Variants in CENPP observed in about 807,000 individuals in gnomAD.
The protein encoded by CENPP is centromere protein P.
Under a neutral mutation model 35.6 loss-of-function variants are expected in CENPP, and 24 were observed. The ratio of observed to expected loss-of-function variants is 0.67; its 90% CI spans 0.49 to 0.95. The LOEUF (loss-of-function observed/expected upper bound fraction) is 0.95. Ranked by LOEUF, CENPP falls within the 40% of genes least tolerant of loss-of-function variation. The pLI, the probability that CENPP is intolerant of heterozygous loss-of-function variation, is 0.00. For synonymous variants in CENPP, 120 were observed against 125.5 expected, an observed-to-expected ratio of 0.96 and a Z score of 0.29; for missense variants, 332 against 345.3, an observed-to-expected ratio of 0.96 and a Z score of 0.31.
At chr9:92,585,884 T>A (rs1850528232) in intron 5 of CENPP, among the ~76,000 whole-genome samples, 1 of 152,178 alleles carries the variant, frequency 6.6e-6, no homozygotes, top group South Asian at 2.1e-4. Flanking sequence ...TGTAGCTTGC[T>A]TGGTACAAAG....
chr9:92,365,315 G>T (rs563689627), intron 4 of CENPP, among the ~76,000 whole-genome samples: 2 of 151,716 alleles, frequency 1.3e-5, no homozygotes, highest in South Asian at 4.2e-4. Context: ...GGAGGAGGTT[G>T]CCTGGCCTAA....
chr9:92,451,592 G>T (rs1844710992), intron 5 of CENPP, among the ~76,000 whole-genome samples: 2 of 151,986 alleles, frequency 1.3e-5, no homozygotes, highest in Admixed American at 1.3e-4. Flanking sequence ...TCTTTTTTTG[G>T]TTCCATATAA....
intron 5 of CENPP, among the ~76,000 whole-genome samples, chr9:92,559,426 G>T (rs1379485023): frequency 6.6e-6 from 1 of 152,162 alleles, no homozygotes; most frequent in Non-Finnish European, 1.5e-5. Flanking sequence ...GGAGAGACGG[G>T]TCTCCCTTTC....
rs752327045 is a variant in CENPP at position 92,390,068 on chromosome 9, A to C, written c.564+10209A>C. 9.6e-6 allele frequency: 14 copies of C among 1,455,010 alleles called. No homozygotes were observed. In the Admixed American group the frequency reaches 2.3e-4, roughly 24 times the overall value. The allele number at this position is 1,455,010 out of a possible 1,614,324, so 90.1% of individuals were successfully genotyped here. ...TCTTCTTAAGTTAGCTAGAGGGAAA[A>C]AAATATAAAAAACAACTACGTAAGT... On this transcript the variant is annotated intron_variant, in intron 5 of 7. Coordinates refer to ENST00000375587, the MANE Select transcript of CENPP (RefSeq NM_001012267.3).
chr9:92,535,711 C>T (rs967153244), intron 5 of CENPP, among the ~76,000 whole-genome samples: 13 of 151,830 alleles, frequency 8.6e-5, no homozygotes, highest in Non-Finnish European at 1.5e-4. Flanking sequence ...CATAATTCCA[C>T]CTAAACATAT....
At position 92,416,595 on chromosome 9, in the gene CENPP, A is replaced by G. The variant is rs189197536; in HGVS notation, c.564+36736A>G. 5.9e-5 allele frequency: 81 copies of G among 1,373,782 alleles called. No individual in the cohort carries two copies. In the African/African-American group the frequency reaches 1.1e-3, roughly 18 times the overall value. 85.1% of individuals were successfully genotyped at this position (1,373,782 alleles called of 1,614,324 possible). A position where few individuals can be genotyped will look rare whatever the true frequency, so the allele number is the denominator to read the frequency against. On this transcript the variant is annotated intron_variant, in intron 5 of 7. Transcript: ENST00000375587. ...TCAGGATTCCATTCTTTCTCTCTTC[A>G]AAACACAATAAAAGTCTACATACTT... is the stretch of plus-strand genomic sequence containing the variant.
intron 5 of CENPP, among the ~76,000 whole-genome samples, chr9:92,528,219 T>C (rs1848534669): frequency 6.6e-6 from 1 of 152,090 alleles, no homozygotes; most frequent in African/African-American, 2.4e-5. Flanking sequence ...CAAAGAGCAG[T>C]CCAGGCCAGT....
intron 5 of CENPP, among the ~76,000 whole-genome samples, chr9:92,489,538 C>G (rs779024410): frequency 1.5e-4 from 23 of 152,118 alleles, no homozygotes; most frequent in Admixed American, 3.3e-4. Context: ...ACAATTTTCC[C>G]CCTTTTTAGG....
chr9:92,547,199 A>C (rs886850979), intron 5 of CENPP, among the ~76,000 whole-genome samples: 1 of 152,156 alleles, frequency 6.6e-6, no homozygotes, highest in Non-Finnish European at 1.5e-5. Context: ...AGTGTTTTAA[A>C]AAGAATAAAG....
At chr9:92,349,812 CATATGCTATAA>C in intron 4 of CENPP, among the ~76,000 whole-genome samples, 1 of 152,326 alleles carries the variant, frequency 6.6e-6, no homozygotes, top group African/African-American at 2.4e-5. Context: ...TACAAACATT[CATATGCTATAA>C]ATATGTATAT....
chr9:92,522,520 T>A (rs1220470444), intron 5 of CENPP: 2 of 1,468,620 alleles, frequency 1.4e-6, no homozygotes, highest in Non-Finnish European at 1.8e-6. Context: ...TCTTTCCCCA[T>A]ACCATCTCTC....
chr9:92,616,239 A>T lies in CENPP; in HGVS notation c.*3090A>T. On this transcript the variant is annotated 3_prime_UTR_variant, in exon 8 of 8. Transcript: ENST00000375587. Reference sequence around the variant, plus strand: ...GAATGGCCTCACACCCCAGCTCACAAAGAGCACTCGTTCTGTGCACCTGTG... The same window carrying T: ...GAATGGCCTCACACCCCAGCTCACATAGAGCACTCGTTCTGTGCACCTGTG... 1 of 555,144 alleles carries T rather than the reference A, an allele frequency of 1.8e-6. No individual in the cohort carries two copies. The highest frequency in any genetic ancestry group is 3.2e-6 in the Non-Finnish European group (1 of 309,198). The allele number at this position is 555,144 out of a possible 1,614,324, so 34.4% of individuals were successfully genotyped here.
At chr9:92,392,438 A>C (rs1290693273) in intron 5 of CENPP, among the ~76,000 whole-genome samples, 4 of 152,176 alleles carry the variant, frequency 2.6e-5, no homozygotes, top group Non-Finnish European at 5.9e-5. Flanking sequence ...CCTGGCCAAC[A>C]TGGTGAAACC....
intron 5 of CENPP, chr9:92,459,587 GAAGA>G (rs747163071): frequency 6.3e-7 from 1 of 1,591,008 alleles, no homozygotes; most frequent in Non-Finnish European, 8.6e-7. Flanking sequence ...TATAAAAACT[GAAGA>G]AAAATACCAA....
intron 4 of CENPP, among the ~76,000 whole-genome samples, chr9:92,370,128 A>G (rs573586549): frequency 2.0e-5 from 3 of 152,200 alleles, no homozygotes; most frequent in South Asian, 2.1e-4. Context: ...ATTGATTTGT[A>G]TATGTTGAAT....
chr9:92,428,134 A>G (rs748860451), intron 5 of CENPP, among the ~76,000 whole-genome samples: 26 of 152,318 alleles, frequency 1.7e-4, no homozygotes, highest in Admixed American at 2.6e-4. Flanking sequence ...CTCTTAGTCT[A>G]TCTGCTCCCA....
intron 5 of CENPP, among the ~76,000 whole-genome samples, chr9:92,487,235 ACT>A (rs1846081151): frequency 6.6e-6 from 1 of 152,170 alleles, no homozygotes; most frequent in Non-Finnish European, 1.5e-5. Flanking sequence ...GTTTCTAAAT[ACT>A]GTTTCCCACT....
chr9:92,462,092 C>T (rs942480835), intron 5 of CENPP, among the ~76,000 whole-genome samples: 1 of 152,094 alleles, frequency 6.6e-6, no homozygotes, highest in African/African-American at 2.4e-5. Context: ...ATTCTCTTGC[C>T]TCAGCCTCCC....
chr9:92,325,758 A>C, upstream of CENPP: 1 of 503,114 alleles, frequency 2.0e-6, no homozygotes, highest in Non-Finnish European at 3.5e-6. Context: ...CAGAGAAAGT[A>C]TAGCCACTGC....
Sources: allele counts gnomAD v4.1 joint callset (sites outside exome capture counted in the v4.1 genomes callset), GRCh38; gene constraint gnomAD v4.1.1; transcripts MANE v1.5; gene names NCBI Gene and HGNC (gene_info 2026-07-23, HGNC 2026-07-21).